The following GPHN variants were observed in gnomAD, a reference collection of about 807,000 sequenced individuals.
GPHN encodes the protein gephyrin.
In GPHN, 17 loss-of-function variants were observed where a neutral mutation model predicts 95.5. The ratio of observed to expected loss-of-function variants is 0.18; its 90% confidence interval spans 0.12 to 0.27. GPHN has a LOEUF of 0.27. Among genes scored for constraint, GPHN ranks in the 10% least tolerant of loss-of-function variants. The pLI is 1.00. For synonymous variants in GPHN, 320 were observed against 322.5 expected, an observed-to-expected ratio of 0.99 and a Z score of 0.08; for missense variants, 660 against 978.1, an observed-to-expected ratio of 0.67 and a Z score of 4.34.
the GPHN span, chr14:67,352,723 T>C: frequency 2.1e-6 from 1 of 479,150 alleles, no homozygotes; most frequent in South Asian, 3.1e-5. Context: ...TCAGATCAAG[T>C]GGAGCTTTGC....
At chr14:66,983,735 A>G (rs140985342) in intron 9 of GPHN, among the ~76,000 whole-genome samples, 1 of 152,252 alleles carries the variant, frequency 6.6e-6, no homozygotes, top group African/African-American at 2.4e-5. Flanking sequence ...TCTTCTTATA[A>G]TTCATTGTTT....
chr14:66,860,245 A>C (rs925998709), intron 4 of GPHN, among the ~76,000 whole-genome samples: 1 of 152,196 alleles, frequency 6.6e-6, no homozygotes, highest in African/African-American at 2.4e-5. Flanking sequence ...AACAAATGAC[A>C]TACAACGGAG....
chr14:66,616,021 A>G (rs971931654), intron 1 of GPHN, among the ~76,000 whole-genome samples: 3 of 151,806 alleles, frequency 2.0e-5, no homozygotes, highest in African/African-American at 4.8e-5. Flanking sequence ...TGAAGATCAG[A>G]TGGTTGTAGA....
intron 1 of GPHN, among the ~76,000 whole-genome samples, chr14:66,675,146 GTT>G (rs60014934): frequency 9.6e-5 from 13 of 135,390 alleles, no homozygotes; most frequent in Admixed American, 3.0e-4. Flanking sequence ...TCTTTTTCCA[GTT>G]TTTTTTTTTT....
At chr14:67,394,415 A>C in the GPHN span, among the ~76,000 whole-genome samples, 1 of 152,082 alleles carries the variant, frequency 6.6e-6, no homozygotes, top group Non-Finnish European at 1.5e-5. Context: ...AAAACAAAAA[A>C]GCCCCAAGAG....
chr14:66,508,408 CCTCGCGCTT>C lies in GPHN; in HGVS notation c.-116_-108del, dbSNP rs2057875086. On this transcript the variant is annotated 5_prime_UTR_variant, in exon 1 of 23. Coordinates refer to ENST00000478722, the MANE Select transcript of GPHN (RefSeq NM_020806.5). ...TGGCCTCCCCCTCCTTCCCCGCTCT[CCTCGCGCTT>C]CTCTGGCTCCCTAGCTGTCGCGCTC... 1.1e-6 allele frequency: 1 copy of C among 897,114 alleles called. No homozygotes were observed. Among genetic ancestry groups the C allele is most frequent in the Non-Finnish European group, 1.9e-6 (1 of 530,266 alleles). 55.6% of individuals were successfully genotyped at this position (897,114 alleles called of 1,614,324 possible).
the GPHN span, chr14:67,320,321 A>T: frequency 6.2e-7 from 1 of 1,613,946 alleles, no homozygotes; most frequent in East Asian, 2.2e-5. Context: ...TGATTGGTCC[A>T]CAGAACTGTG....
chr14:67,429,234 T>TTC, the GPHN span, among the ~76,000 whole-genome samples: 5 of 150,972 alleles, frequency 3.3e-5, no homozygotes, highest in Admixed American at 3.3e-4. Context: ...TGGACAATTT[T>TTC]TTTTTTTTTT....
At chr14:67,400,834 T>A in the GPHN span, among the ~76,000 whole-genome samples, 1 of 151,114 alleles carries the variant, frequency 6.6e-6, no homozygotes, top group African/African-American at 2.4e-5. Context: ...CAAGAAAAAA[T>A]TAAAAATTAG....
At chr14:66,607,322 A>G (rs1184711300) in intron 1 of GPHN, among the ~76,000 whole-genome samples, 4 of 151,496 alleles carry the variant, frequency 2.6e-5, no homozygotes, top group Non-Finnish European at 5.9e-5. Context: ...AATACAGCCT[A>G]CTCGATCATG....
At chr14:66,866,542 A>G (rs1221419975) in intron 4 of GPHN, among the ~76,000 whole-genome samples, 1 of 152,180 alleles carries the variant, frequency 6.6e-6, no homozygotes, top group Non-Finnish European at 1.5e-5. Context: ...GATAAAAGTT[A>G]TTGAAAAATA....
At chr14:67,730,313 A>G in the GPHN span, among the ~76,000 whole-genome samples, 1 of 152,184 alleles carries the variant, frequency 6.6e-6, no homozygotes, top group East Asian at 1.9e-4. Flanking sequence ...CACTAGCCAC[A>G]TGTTGCTATT....
the GPHN span, among the ~76,000 whole-genome samples, chr14:67,358,046 C>G: frequency 2.4e-4 from 36 of 151,688 alleles, 1 homozygote; most frequent in South Asian, 3.7e-3. Flanking sequence ...CTAGAACAAA[C>G]AGTAAATTCT....
chr14:67,070,715 A>AAAAAAAAAAAAAAAAAATATATATAT, intron 11 of GPHN, among the ~76,000 whole-genome samples: 1 of 80,704 alleles, frequency 1.2e-5, no homozygotes, highest in African/African-American at 1.3e-4. Context: ...AAAAAAAAAA[A>AAAAAAAAAAAAAAAAAATATATATAT]ATATATATAT....
chr14:67,208,121 TG>T, the GPHN span: 2 of 1,555,152 alleles, frequency 1.3e-6, no homozygotes, highest in South Asian at 2.5e-5. Flanking sequence ...AAATGGTGCC[TG>T]TATTCGATAC....
the GPHN span, chr14:67,225,296 A>G: frequency 7.1e-7 from 1 of 1,402,442 alleles, no homozygotes; most frequent in East Asian, 2.6e-5. Context: ...CTCTATAGGA[A>G]TACATGATAG....
intron 1 of GPHN, among the ~76,000 whole-genome samples, chr14:66,543,764 TC>T (rs2059434878): frequency 6.6e-6 from 1 of 152,148 alleles, no homozygotes; most frequent in Admixed American, 6.5e-5. Context: ...TGAAAACATA[TC>T]CCAGATGTGT....
rs1482525932 is a variant in GPHN, at chr14:66,936,970, A to G, written c.828+12678A>G. ...AAGTACAGATAACTCAGAAGGATAT[A>G]CAAGTCAGGGCATTCTAGTAATCTT... On this transcript the variant is annotated intron_variant, in intron 8 of 22. Transcript: ENST00000478722. Among the ~76,000 whole-genome samples, 3 of 152,344 alleles carry G rather than the reference A, an allele frequency of 2.0e-5. No individual in the cohort carries two copies. In the East Asian group the frequency reaches 5.8e-4, roughly 29 times the overall value.
intron 2 of GPHN, among the ~76,000 whole-genome samples, chr14:66,698,100 T>C (rs368658028): frequency 6.6e-6 from 1 of 152,248 alleles, no homozygotes; most frequent in South Asian, 2.1e-4. Flanking sequence ...TAATTTCAAG[T>C]ATCACAAATA....
Sources: gnomAD v4.1 joint callset for allele counts (sites outside exome capture counted in the v4.1 genomes callset) on GRCh38, gnomAD v4.1.1 for gene constraint, MANE v1.5 for transcripts, NCBI Gene and HGNC (gene_info 2026-07-23, HGNC 2026-07-21) for gene names.